The following ANKRD18B variants were observed in gnomAD, a reference collection of about 807,000 sequenced individuals.
The protein encoded by ANKRD18B is ankyrin repeat domain-containing protein 18B.
ANKRD18B carries 75 observed loss-of-function variants against 111.8 expected under a neutral mutation model. That is an observed-to-expected ratio of 0.67 (90% CI 0.56 to 0.81). The LOEUF is 0.81. ANKRD18B is among the 40% of genes least tolerant of loss of function. The probability of loss-of-function intolerance (pLI) is 0.00; values close to 1 mark genes in which losing one functional copy is unlikely to be tolerated. For missense variants in ANKRD18B, 1,038 were observed against 1,225.5 expected (o/e 0.85, Z 2.28); for synonymous variants, 356 against 417.3 (o/e 0.85, Z 1.79).
chr9:33,553,478 CT>C (rs1828476807), intron 12 of ANKRD18B, among the ~76,000 whole-genome samples: 1 of 152,134 alleles, frequency 6.6e-6, no homozygotes, highest in Non-Finnish European at 1.5e-5. Flanking sequence ...TAAGGGGCAG[CT>C]TTAAACCATC....
Position 33,533,538 on chromosome 9 carries a change from T to G in ANKRD18B, c.595T>G (p.Phe199Val). Residue 199 changes from phenylalanine (F) to valine (V), a missense_variant, in exon 4 of 19, where the codon TTC becomes GTC. Around this residue, in one of 4 missense-constraint regions of ANKRD18B, gnomAD observed 93 missense variants for 141.3 expected, o/e 0.66. Transcript: ENST00000684830. ...GGCAAATATACATGCCGTTGACAAT[T>G]TCAAAAGGTGCAATAGTTTTTGTTT... ...NQANIHAVDN[F>V]KRTALILAVQ... The G allele has an allele frequency of 6.5e-7, 1 of 1,532,040 alleles. No homozygotes were observed. The highest frequency in any genetic ancestry group is 1.3e-5 in the South Asian group (1 of 79,596). The allele number at this position is 1,532,040 out of a possible 1,614,324, so 94.9% of individuals were successfully genotyped here.
At chr9:33,561,748 T>C (rs1001034420) in intron 14 of ANKRD18B, among the ~76,000 whole-genome samples, 6 of 152,238 alleles carry the variant, frequency 3.9e-5, no homozygotes, top group African/African-American at 1.4e-4. Context: ...GTTGTTCCAA[T>C]ATCATTTATT....
intron 14 of ANKRD18B, among the ~76,000 whole-genome samples, chr9:33,560,289 A>T (rs145991419): frequency 2.0e-5 from 3 of 152,346 alleles, no homozygotes; most frequent in African/African-American, 7.2e-5. Flanking sequence ...ATTGAATACC[A>T]GGACAGGCAC....
intron 6 of ANKRD18B, among the ~76,000 whole-genome samples, chr9:33,538,678 G>T (rs1587261815): frequency 6.6e-6 from 1 of 151,974 alleles, no homozygotes; most frequent in Non-Finnish European, 1.5e-5. Context: ...GGAGATTGCA[G>T]TGAACCGGAA....
At chr9:33,565,656 G>C (rs921554210) in intron 14 of ANKRD18B, among the ~76,000 whole-genome samples, 7 of 151,876 alleles carry the variant, frequency 4.6e-5, no homozygotes, top group African/African-American at 1.7e-4. Flanking sequence ...TTTTTTTGTA[G>C]AGATGGGGGT....
chr9:33,527,020 TTA>T (rs1828034076), intron 1 of ANKRD18B, among the ~76,000 whole-genome samples: 3 of 152,134 alleles, frequency 2.0e-5, no homozygotes, highest in African/African-American at 4.8e-5. Context: ...CTTAAAAACT[TTA>T]TGTTTACCTG....
rs1297086479 is a variant in ANKRD18B at position 33,528,848 on chromosome 9, A to G, written c.321+7A>G. ...CAGGACACCTTTAATGAAGGTATAT[A>G]GTAGCCAACTCAGCATGAAATGGAT... On this transcript the variant is annotated splice_region_variant and intron_variant, in intron 2 of 18. Transcript: ENST00000684830. 1.3e-6 allele frequency: 2 copies of G among 1,597,624 alleles called. No homozygotes were observed. Among genetic ancestry groups the G allele is most frequent in the African/African-American group, 2.7e-5 (2 of 74,552 alleles).
intron 11 of ANKRD18B, 102 bp downstream of exon 11, chr9:33,548,957 T>C: frequency 3.4e-6 from 4 of 1,159,776 alleles, no homozygotes; most frequent in Non-Finnish European, 4.7e-6. Context: ...TAGATGAAAA[T>C]GTGTTTACCA....
chr9:33,572,290 A>C (rs1188243429), intron 18 of ANKRD18B, 26 bp from the exon 19 acceptor site: 4 of 1,568,730 alleles, frequency 2.5e-6, no homozygotes, highest in Non-Finnish European at 3.5e-6. Context: ...TAGGTAAAGA[A>C]CATAATCCTT....
chr9:33,534,682 G>A lies in ANKRD18B; in HGVS notation c.740+175G>A, dbSNP rs187779209. ...ACACAGAAAGCTAGACTAGTTAGAA[G>A]TAGCAATGAGTGCAAGATTCTTTCC... On this transcript the variant is annotated intron_variant, in intron 5 of 18. Transcript: ENST00000684830. Among the ~76,000 whole-genome samples, 235 of 152,304 alleles carry A rather than the reference G, an allele frequency of 1.5e-3. 1 individual carries two copies. The highest frequency in any genetic ancestry group is 3.4e-3 in the Middle Eastern group (1 of 294).
Position 33,529,101 on chromosome 9 carries a change from C to G in ANKRD18B, c.423C>G (p.Ala141=). 6.2e-7 allele frequency: 1 copy of G among 1,611,968 alleles called. No individual in the cohort carries two copies. Residue 141 remains alanine (A), a synonymous_variant, in exon 3 of 19, where the codon GCC becomes GCG. Transcript: ENST00000684830. ...ACGGCAACACTGCTCTCCATTATGC[C>G]GTGTATAATGAGGGGACTTCACTGG... ...DIYGNTALHY[A]VYNEGTSLAE...
intron 5 of ANKRD18B, among the ~76,000 whole-genome samples, chr9:33,536,388 T>G (rs1028821814): frequency 1.3e-5 from 2 of 152,250 alleles, no homozygotes; most frequent in African/African-American, 4.8e-5. Flanking sequence ...CAGGTTTTAT[T>G]TGAGATTCCA....
intron 7 of ANKRD18B, among the ~76,000 whole-genome samples, chr9:33,539,709 T>C (rs1260212483): frequency 6.6e-6 from 1 of 152,194 alleles, no homozygotes; most frequent in Non-Finnish European, 1.5e-5. Flanking sequence ...AAAAGACTTC[T>C]AATAGTATAG....
At chr9:33,560,880 C>A (rs1204510893) in intron 14 of ANKRD18B, among the ~76,000 whole-genome samples, 1 of 152,074 alleles carries the variant, frequency 6.6e-6, no homozygotes, top group East Asian at 1.9e-4. Flanking sequence ...AATTGCTTGA[C>A]CCCAGACCCA....
chr9:33,570,643 CT>C (rs74178890), intron 17 of ANKRD18B, among the ~76,000 whole-genome samples: 9,262 of 142,030 alleles, frequency 0.065, 322 homozygotes, highest in Non-Finnish European at 0.086. Context: ...ACCTTTTTTT[CT>C]TTTTTTTTTT....
intron 13 of ANKRD18B, among the ~76,000 whole-genome samples, chr9:33,557,025 T>C (rs10971563): frequency 0.032 from 4,817 of 152,184 alleles, 182 homozygotes; most frequent in East Asian, 0.2. Flanking sequence ...ACACAGCTAC[T>C]TTTCCATGTA....
At chr9:33,545,547 TAA>T (rs1229785582) in intron 10 of ANKRD18B, among the ~76,000 whole-genome samples, 1 of 152,212 alleles carries the variant, frequency 6.6e-6, no homozygotes, top group Non-Finnish European at 1.5e-5. Flanking sequence ...GAAGCTCTTC[TAA>T]AGCTTAGAAG....
Position 33,529,223 on chromosome 9 carries a change from T to G in ANKRD18B, c.495+50T>G, listed in dbSNP as rs1587255847. ...CAAAATGTTTGTTTTAATATTGACATAGGTAAGAGTCAATTTTTCATATTT... is the reference window on the plus strand; with the variant it reads ...CAAAATGTTTGTTTTAATATTGACAGAGGTAAGAGTCAATTTTTCATATTT... On this transcript the variant is annotated intron_variant, in intron 3 of 18. Coordinates refer to ENST00000684830, the MANE Select transcript of ANKRD18B (RefSeq NM_001393611.1). 2.0e-6 allele frequency: 3 copies of G among 1,523,402 alleles called. No individual in the cohort carries two copies. The Admixed American group carries it at 7.1e-5, about 36-fold the overall frequency. 94.4% of individuals were successfully genotyped at this position (1,523,402 alleles called of 1,614,324 possible).
intron 12 of ANKRD18B, among the ~76,000 whole-genome samples, chr9:33,555,174 T>G (rs1378166014): frequency 6.6e-6 from 1 of 152,098 alleles, no homozygotes; most frequent in Admixed American, 6.6e-5. Context: ...AAAAATAAAC[T>G]TTGTTTAAAG....
Sources: allele counts gnomAD v4.1 joint callset (sites outside exome capture counted in the v4.1 genomes callset), GRCh38; gene constraint gnomAD v4.1.1; regional missense constraint gnomAD v4.1.1; transcripts MANE v1.5; gene names NCBI Gene and HGNC (gene_info 2026-07-23, HGNC 2026-07-21).